The following CTXND1 variants were observed in gnomAD, a reference collection of about 807,000 sequenced individuals.
CTXND1 encodes the protein cortexin domain containing 1, also known as cortexin domain-containing 1 protein.
chr15:80,211,135 A>T (rs1326092354), intron 1 of CTXND1, among the ~76,000 whole-genome samples: 1 of 152,212 alleles, frequency 6.6e-6, no homozygotes, highest in Non-Finnish European at 1.5e-5. Flanking sequence ...GAGCCAGGCC[A>T]GGCCCACACC....
chr15:80,209,310 A>C (rs1350486843), intron 1 of CTXND1, among the ~76,000 whole-genome samples: 1 of 152,248 alleles, frequency 6.6e-6, no homozygotes, highest in Non-Finnish European at 1.5e-5. Flanking sequence ...GCAAGGACAC[A>C]TATCCAGGAG....
At chr15:80,249,140 A>G (rs1893666558) in intron 1 of CTXND1, among the ~76,000 whole-genome samples, 1 of 151,936 alleles carries the variant, frequency 6.6e-6, no homozygotes, top group African/African-American at 2.4e-5. Context: ...TTTTGTGGAG[A>G]TAAGTTCTCA....
intron 1 of CTXND1, among the ~76,000 whole-genome samples, chr15:80,241,628 C>T (rs1303326413): frequency 6.6e-6 from 1 of 152,210 alleles, no homozygotes; most frequent in Non-Finnish European, 1.5e-5. Context: ...TAACCATGCA[C>T]AGTGAGGACA....
At chr15:80,227,271 G>A (rs1314918788) in intron 1 of CTXND1, among the ~76,000 whole-genome samples, 1 of 151,944 alleles carries the variant, frequency 6.6e-6, no homozygotes, top group Non-Finnish European at 1.5e-5. Context: ...GTCCTTTATA[G>A]GCACCTACCT....
At chr15:80,245,638 CA>C (rs771718365) in intron 1 of CTXND1, among the ~76,000 whole-genome samples, 2 of 152,172 alleles carry the variant, frequency 1.3e-5, no homozygotes, top group African/African-American at 4.8e-5. Context: ...GTTTCAAGGA[CA>C]GGGGGCATGG....
At chr15:80,248,731 A>G (rs971745077) in intron 1 of CTXND1, among the ~76,000 whole-genome samples, 1 of 152,228 alleles carries the variant, frequency 6.6e-6, no homozygotes, top group Non-Finnish European at 1.5e-5. Context: ...GTGATCATAA[A>G]GGCCATGCAG....
At chr15:80,217,957 T>C (rs1308392735) in intron 1 of CTXND1, among the ~76,000 whole-genome samples, 3 of 152,234 alleles carry the variant, frequency 2.0e-5, no homozygotes, top group African/African-American at 4.8e-5. Flanking sequence ...TAAATATTTT[T>C]CAATTTCTTC....
chr15:80,250,969 T>C (rs1193344462), intron 1 of CTXND1, among the ~76,000 whole-genome samples: 1 of 152,142 alleles, frequency 6.6e-6, no homozygotes, highest in Admixed American at 6.5e-5. Context: ...ACATATTTTA[T>C]GGAAAAGGGT....
chr15:80,242,589 C>T (rs1893582531), intron 1 of CTXND1, among the ~76,000 whole-genome samples: 1 of 152,270 alleles, frequency 6.6e-6, no homozygotes, highest in African/African-American at 2.4e-5. Context: ...CAGGTCACAA[C>T]ACGGGGCCCT....
At chr15:80,232,632 C>T (rs1187074319) in intron 1 of CTXND1, among the ~76,000 whole-genome samples, 17 of 152,110 alleles carry the variant, frequency 1.1e-4, no homozygotes, top group Non-Finnish European at 1.3e-4. Context: ...AGCCTCAGGC[C>T]CAGGCCTCCC....
At chr15:80,243,762 A>G (rs1026599437) in intron 1 of CTXND1, among the ~76,000 whole-genome samples, 4 of 152,226 alleles carry the variant, frequency 2.6e-5, no homozygotes, top group African/African-American at 9.6e-5. Context: ...TCCACCAGTC[A>G]CAGTGAGATG....
In CTXND1 at chr15:80,247,534, G is replaced by A. The variant is rs8026957; in HGVS notation, c.-218+4473C>T. Among the ~76,000 whole-genome samples, 959 of 152,142 alleles carry A rather than the reference G, an allele frequency of 6.3e-3. 17 individuals carry two copies. The highest frequency in any genetic ancestry group is 0.062 in the South Asian group (298 of 4,814). ...GTGGGAGTGGTAAGGGAGGAATTTA[G>A]TCATAGGTCGAGATCTGACCCTTGG... is the stretch of plus-strand genomic sequence containing the variant. On this transcript the variant is annotated intron_variant, in intron 1 of 2. Transcript: ENST00000560778.
intron 1 of CTXND1, among the ~76,000 whole-genome samples, chr15:80,240,515 C>T (rs774443901): frequency 6.6e-6 from 1 of 152,174 alleles, no homozygotes; most frequent in Non-Finnish European, 1.5e-5. Context: ...ACACTCCCCC[C>T]CCACCACCCA....
chr15:80,214,726 T>C (rs1003585486), intron 1 of CTXND1, among the ~76,000 whole-genome samples: 1 of 152,192 alleles, frequency 6.6e-6, no homozygotes, highest in Admixed American at 6.5e-5. Flanking sequence ...CTTAGGAAGT[T>C]GTATAAACAG....
chr15:80,204,146 C>CA (rs1173053524), intron 1 of CTXND1, among the ~76,000 whole-genome samples: 47 of 2,146 alleles, frequency 0.022, 3 homozygotes, highest in South Asian at 0.071. Flanking sequence ...GACTGTGTCT[C>CA]AAAAAAAAAA....
At position 80,201,776 on chromosome 15, in the gene CTXND1, G is replaced by A. The variant is rs906970333; in HGVS notation, c.174C>T (p.Asp58=). Residue 58 remains aspartate, a synonymous_variant, in exon 3 of 3, where the codon GAC becomes GAT. Coordinates refer to ENST00000560778, the MANE Select transcript of CTXND1 (RefSeq NM_001352888.2). ...PTSTWEEQHL[D]D ...TCCCCACAGCCGCTGTGCCTCAGTCGTCCAGGTGCTGCTCCTCCCAGGTGG... is the reference window on the plus strand; with the variant it reads ...TCCCCACAGCCGCTGTGCCTCAGTCATCCAGGTGCTGCTCCTCCCAGGTGG... 5.0e-6 allele frequency: 2 copies of A among 398,856 alleles called. No individual in the cohort carries two copies. Among genetic ancestry groups the A allele is most frequent in the Non-Finnish European group, 8.8e-6 (2 of 226,264 alleles). The allele number at this position is 398,856 out of a possible 1,614,324, so 24.7% of individuals were successfully genotyped here.
At chr15:80,238,142 T>C (rs1893523656) in intron 1 of CTXND1, among the ~76,000 whole-genome samples, 1 of 152,158 alleles carries the variant, frequency 6.6e-6, no homozygotes, top group Non-Finnish European at 1.5e-5. Context: ...ACAGTATTTA[T>C]AAAGCCTATA....
chr15:80,235,411 C>G (rs1306780308), intron 1 of CTXND1, among the ~76,000 whole-genome samples: 1 of 152,164 alleles, frequency 6.6e-6, no homozygotes, highest in Non-Finnish European at 1.5e-5. Flanking sequence ...GGAGTGCTGG[C>G]CAAGATGGCT....
intron 1 of CTXND1, among the ~76,000 whole-genome samples, chr15:80,208,232 CTT>C (rs1280831731): frequency 6.6e-6 from 1 of 152,232 alleles, no homozygotes; most frequent in Non-Finnish European, 1.5e-5. Context: ...ATGGAATACT[CTT>C]ACTTCACTGG....
Sources: gnomAD v4.1 joint callset for allele counts (sites outside exome capture counted in the v4.1 genomes callset) on GRCh38, gnomAD v4.1.1 for gene constraint, MANE v1.5 for transcripts, NCBI Gene and HGNC (gene_info 2026-07-23, HGNC 2026-07-21) for gene names.